TSHZ2: variants seen among roughly 807,000 people sequenced by gnomAD.
TSHZ2 encodes teashirt homolog 2.
A neutral mutation model predicts 74.4 loss-of-function variants in TSHZ2; 21 were observed. That is an observed-to-expected ratio of 0.28 (90% confidence interval 0.20 to 0.41). The LOEUF is 0.41. Among genes scored for constraint, TSHZ2 ranks in the 10% least tolerant of loss-of-function variants. The probability of loss-of-function intolerance (pLI) is 1.00; values close to 1 mark genes in which losing one functional copy is unlikely to be tolerated. For synonymous variants in TSHZ2, 540 were observed against 515.3 expected, an observed-to-expected ratio of 1.05 and a Z score of -0.65; for missense variants, 1,244 against 1,293.5, an observed-to-expected ratio of 0.96 and a Z score of 0.59.
intron 1 of TSHZ2, among the ~76,000 whole-genome samples, chr20:53,198,735 A>G (rs1400246048): frequency 6.6e-6 from 1 of 152,232 alleles, no homozygotes; most frequent in African/African-American, 2.4e-5. Flanking sequence ...GAGTTAAACA[A>G]TTAGAGGCTG....
intron 1 of TSHZ2, among the ~76,000 whole-genome samples, chr20:53,050,126 C>T (rs56351931): frequency 0.097 from 9,606 of 99,046 alleles, 619 homozygotes; most frequent in South Asian, 0.18. Context: ...TATATATATA[C>T]ACATATATAT....
At chr20:53,295,690 A>G (rs1310089606) in intron 2 of TSHZ2, among the ~76,000 whole-genome samples, 1 of 152,220 alleles carries the variant, frequency 6.6e-6, no homozygotes, top group East Asian at 1.9e-4. Flanking sequence ...AAGTGACCAC[A>G]AAACAATGTT....
chr20:53,006,591 T>G (rs1416519764), intron 1 of TSHZ2, among the ~76,000 whole-genome samples: 1 of 152,236 alleles, frequency 6.6e-6, no homozygotes, highest in African/African-American at 2.4e-5. Context: ...CCATCATCTA[T>G]GTTGCCAGAT....
intron 2 of TSHZ2, among the ~76,000 whole-genome samples, chr20:53,443,051 C>T (rs1002176375): frequency 3.9e-5 from 6 of 152,112 alleles, no homozygotes; most frequent in Admixed American, 2.6e-4. Flanking sequence ...AAGACACAAC[C>T]ATTTGCAAAA....
intron 1 of TSHZ2, among the ~76,000 whole-genome samples, chr20:53,028,275 T>C (rs1208960639): frequency 6.6e-6 from 1 of 152,176 alleles, no homozygotes; most frequent in East Asian, 1.9e-4. Flanking sequence ...TGGATGGATT[T>C]TCCAAGCAGT....
Position 53,256,659 on chromosome 20 carries a change from C to G in TSHZ2, c.*8+88C>G. 6.8e-7 allele frequency: 1 copy of G among 1,474,768 alleles called. No homozygotes were observed. Among genetic ancestry groups the G allele is most frequent in the Non-Finnish European group, 9.0e-7 (1 of 1,111,712 alleles). The allele number at this position is 1,474,768 out of a possible 1,614,324, so 91.4% of individuals were successfully genotyped here. On this transcript the variant is annotated intron_variant, in intron 2 of 2. Coordinates refer to ENST00000371497, the MANE Select transcript of TSHZ2 (RefSeq NM_173485.6). This position sits in a 1 kb window ranked among gnomAD's most constrained non-coding sequence, Gnocchi z 4.3. ...GTCTGCTTAGAGGCAGCTAGCATCT[C>G]CCAATGCCAAGCAGGATAGTAGCTT... is the stretch of plus-strand genomic sequence containing the variant.
chr20:53,253,429 C>G, intron 1 of TSHZ2, 70 bp from the exon 2 acceptor site: 1 of 1,517,914 alleles, frequency 6.6e-7, no homozygotes, highest in Non-Finnish European at 8.8e-7. Flanking sequence ...AGCACTTAGT[C>G]TATGTGAGGA....
At chr20:53,093,743 G>T (rs1483639173) in intron 1 of TSHZ2, among the ~76,000 whole-genome samples, 2 of 152,094 alleles carry the variant, frequency 1.3e-5, no homozygotes, top group African/African-American at 2.4e-5. Context: ...ATTCACAGTT[G>T]AAATCACAGT....
chr20:53,396,980 T>C (rs530365231), intron 2 of TSHZ2, among the ~76,000 whole-genome samples: 152 of 152,136 alleles, frequency 1.0e-3, no homozygotes, highest in African/African-American at 3.4e-3. Flanking sequence ...TAATTCAAGA[T>C]GGATTAAAGA....
intron 2 of TSHZ2, among the ~76,000 whole-genome samples, chr20:53,446,159 A>G (rs1370255833): frequency 6.6e-6 from 1 of 152,190 alleles, no homozygotes; most frequent in Non-Finnish European, 1.5e-5. Flanking sequence ...AGTGGCTTGA[A>G]AAGAGCTTGA....
chr20:53,227,179 T>C (rs1408909673), intron 1 of TSHZ2, among the ~76,000 whole-genome samples: 3 of 151,912 alleles, frequency 2.0e-5, no homozygotes, highest in Admixed American at 6.6e-5. Flanking sequence ...TAGATGATAA[T>C]ATATGTATGA....
intron 2 of TSHZ2, among the ~76,000 whole-genome samples, chr20:53,378,341 AAATAATAATAAT>A (rs11474507): frequency 0.016 from 2,317 of 142,512 alleles, 33 homozygotes; most frequent in Middle Eastern, 0.022. Context: ...CTTTGTATCA[AAATAATAATAAT>A]AATAATAATA....
At chr20:53,086,209 A>G (rs774738946) in intron 1 of TSHZ2, among the ~76,000 whole-genome samples, 1 of 152,236 alleles carries the variant, frequency 6.6e-6, no homozygotes, top group Non-Finnish European at 1.5e-5. Context: ...AAAATGTCTA[A>G]GGAGGGCGCT....
intron 2 of TSHZ2, among the ~76,000 whole-genome samples, chr20:53,382,653 G>C (rs1981900372): frequency 6.6e-6 from 1 of 152,206 alleles, no homozygotes; most frequent in African/African-American, 2.4e-5. Context: ...GGCACTCCAT[G>C]GCTCCCCCCG....
chr20:53,443,982 A>G (rs1984445578), intron 2 of TSHZ2, among the ~76,000 whole-genome samples: 1 of 152,266 alleles, frequency 6.6e-6, no homozygotes, highest in South Asian at 2.1e-4. Context: ...AGAGGTTTGG[A>G]GAGAGGGAAC....
At chr20:53,473,354 C>A (rs1161435712) in intron 2 of TSHZ2, among the ~76,000 whole-genome samples, 3 of 142,972 alleles carry the variant, frequency 2.1e-5, no homozygotes, top group Non-Finnish European at 3.0e-5. Context: ...TGACCCCTGA[C>A]CCCCGAGCAG....
intron 1 of TSHZ2, chr20:53,196,620 A>C (rs1351825604): frequency 1.3e-5 from 2 of 152,228 alleles, no homozygotes; most frequent in Non-Finnish European, 2.9e-5. Flanking sequence ...ACCTTGTTTC[A>C]TGATGTCTTG....
intron 2 of TSHZ2, among the ~76,000 whole-genome samples, chr20:53,413,340 C>G (rs1297185364): frequency 2.0e-5 from 3 of 152,226 alleles, no homozygotes; most frequent in Admixed American, 1.3e-4. Flanking sequence ...CAGAGAAAGT[C>G]CCCAGACAAA....
At chr20:53,026,183 T>C (rs1455156708) in intron 1 of TSHZ2, among the ~76,000 whole-genome samples, 1 of 152,030 alleles carries the variant, frequency 6.6e-6, no homozygotes, top group Non-Finnish European at 1.5e-5. Flanking sequence ...AATGGAACCA[T>C]AACTGGAGCT....
Sources: gnomAD v4.1 joint callset for allele counts (sites outside exome capture counted in the v4.1 genomes callset) on GRCh38, gnomAD v4.1.1 for gene constraint, Gnocchi (gnomAD v3.1) non-coding constraint, MANE v1.5 for transcripts, NCBI Gene and HGNC (gene_info 2026-07-23, HGNC 2026-07-21) for gene names.